The following TRIM37 variants were observed in gnomAD, a reference collection of about 807,000 sequenced individuals.
TRIM37 encodes tripartite motif containing 37.
A neutral mutation model predicts 129.8 loss-of-function variants in TRIM37; 80 were observed. The observed-to-expected ratio is 0.62, with a 90% CI of 0.51 to 0.74. The LOEUF (loss-of-function observed/expected upper bound fraction) is 0.74, where lower values mean the gene tolerates loss of function less well. Ranked by LOEUF, TRIM37 falls within the 30% of genes least tolerant of loss-of-function variation. The pLI, the probability that TRIM37 is intolerant of heterozygous loss-of-function variation, is 0.00. For synonymous variants in TRIM37, 389 were observed against 387.1 expected (o/e 1.00, Z -0.06); for missense variants, 1,054 against 1,176.5 (o/e 0.90, Z 1.52).
intron 22 of TRIM37, among the ~76,000 whole-genome samples, chr17:59,011,755 T>C (rs918759033): frequency 1.3e-5 from 2 of 152,230 alleles, no homozygotes; most frequent in African/African-American, 2.4e-5. Context: ...TCAGTCATCA[T>C]ACAGGATTTA....
rs553555487 is a variant in TRIM37, at chr17:58,985,475, A to C, written c.2892-2554T>G. Among the ~76,000 whole-genome samples, 12 of 152,310 alleles carry C rather than the reference A, an allele frequency of 7.9e-5. No individual in the cohort carries two copies. The South Asian group carries it at 2.5e-3, about 32-fold the overall frequency. On this transcript the variant is annotated intron_variant, in intron 24 of 24. Transcript: ENST00000393066. ...CCAAGGACTAAGCGGTGGTCATCAA[A>C]TCTCCCAACTACTTCATTCTTAGAA... is the stretch of plus-strand genomic sequence containing the variant.
chr17:59,031,822 T>C, intron 18 of TRIM37, 74 bp downstream of exon 18: 2 of 1,457,700 alleles, frequency 1.4e-6, no homozygotes, highest in Non-Finnish European at 1.9e-6. Flanking sequence ...ATAGCTGAAA[T>C]ACTTAAATGA....
intron 17 of TRIM37, 141 bp downstream of exon 17, chr17:59,041,672 A>C (rs2039168358): frequency 1.5e-6 from 1 of 647,196 alleles, no homozygotes; most frequent in African/African-American, 1.8e-5. Context: ...AACTCTAAAA[A>C]ATCCATATTA....
rs565192720 is a variant in TRIM37 at position 59,007,432 on chromosome 17, A to G, written c.2695+4896T>C. 7.9e-5 allele frequency among the ~76,000 whole-genome samples: 12 copies of G among 152,246 alleles called. No individual in the cohort carries two copies. The South Asian group carries it at 2.5e-3, about 32-fold the overall frequency. On this transcript the variant is annotated intron_variant, in intron 22 of 23. Transcript: ENST00000262294. ...ATTACCCTAAATGATCAGCAATGGCAGGCCATCAGGCTTTGTATTCCTCTT... is the reference window on the plus strand; with the variant it reads ...ATTACCCTAAATGATCAGCAATGGCGGGCCATCAGGCTTTGTATTCCTCTT...
rs914 is a variant in TRIM37, at chr17:58,998,352, T to C, written c.*1025A>G. Reference sequence around the variant, plus strand: ...GCAGATGAGATGTCTCTCACATGTATATTTAATTATTCATGCTTTTTCAAT... The same window carrying C: ...GCAGATGAGATGTCTCTCACATGTACATTTAATTATTCATGCTTTTTCAAT... On this transcript the variant is annotated 3_prime_UTR_variant, in exon 24 of 24. Coordinates refer to ENST00000262294, the MANE Select transcript of TRIM37 (RefSeq NM_015294.6). 4,726 of 985,450 alleles carry C rather than the reference T, an allele frequency of 4.8e-3. 11 individuals carry two copies. The highest frequency in any genetic ancestry group is 8.4e-3 in the Middle Eastern group (16 of 1,914). 61.0% of individuals were successfully genotyped at this position (985,450 alleles called of 1,614,324 possible).
At chr17:59,098,715 C>A (rs2045157798) in intron 2 of TRIM37, among the ~76,000 whole-genome samples, 1 of 144,220 alleles carries the variant, frequency 6.9e-6, no homozygotes, top group African/African-American at 2.5e-5. Flanking sequence ...GTATATTTTA[C>A]CACAATTAAA....
chr17:59,003,467 T>C (rs1240515388), intron 22 of TRIM37, among the ~76,000 whole-genome samples: 1 of 152,094 alleles, frequency 6.6e-6, no homozygotes, highest in Non-Finnish European at 1.5e-5. Flanking sequence ...AGCAAGCACA[T>C]TCCACTCTAT....
At chr17:59,048,955 G>A (rs112697061) in intron 15 of TRIM37, among the ~76,000 whole-genome samples, 17 of 152,206 alleles carry the variant, frequency 1.1e-4, no homozygotes, top group African/African-American at 3.4e-4. Context: ...TGTGTATCAC[G>A]GTTTGTTTTA....
In TRIM37 at chr17:59,049,357, T is replaced by C; in HGVS notation, c.1351A>G (p.Arg451Gly). 6.2e-7 allele frequency: 1 copy of C among 1,614,178 alleles called. No individual in the cohort carries two copies. Among genetic ancestry groups the C allele is most frequent in the Non-Finnish European group, 8.5e-7 (1 of 1,180,028 alleles). Residue 451 changes from arginine to glycine, a missense_variant, in exon 15 of 24, where the codon AGA becomes GGA. Around this residue, in one of 3 missense-constraint regions of TRIM37, gnomAD observed 752 missense variants for 870.8 expected, o/e 0.86. Coordinates refer to ENST00000262294, the MANE Select transcript of TRIM37 (RefSeq NM_015294.6). ...TGGTTATCTGGTGGTGACAAATCTCTTGACTTCTGAGTTCGAGACAGCTCA... is the reference window on the plus strand; with the variant it reads ...TGGTTATCTGGTGGTGACAAATCTCCTGACTTCTGAGTTCGAGACAGCTCA... Reference protein sequence around the residue: ...TIELSRTQKSRDLSPPDNHLS... With the variant: ...TIELSRTQKSGDLSPPDNHLS...
intron 8 of TRIM37, among the ~76,000 whole-genome samples, chr17:59,074,291 A>G (rs1338731391): frequency 6.6e-6 from 1 of 152,178 alleles, no homozygotes; most frequent in Non-Finnish European, 1.5e-5. Context: ...TGTATATGGG[A>G]GATGTGTATA....
At chr17:59,043,967 C>T (rs2039513094) in intron 16 of TRIM37, among the ~76,000 whole-genome samples, 1 of 152,192 alleles carries the variant, frequency 6.6e-6, no homozygotes, top group Non-Finnish European at 1.5e-5. Flanking sequence ...TCTGTGGGCT[C>T]TGCATCTGTG....
intron 17 of TRIM37, among the ~76,000 whole-genome samples, chr17:59,036,042 A>G (rs1332338525): frequency 6.6e-6 from 1 of 152,130 alleles, no homozygotes; most frequent in African/African-American, 2.4e-5. Context: ...TTACATACCG[A>G]TATTTACCAT....
downstream of TRIM37, chr17:58,981,050 T>G (rs193174507): frequency 5.3e-6 from 8 of 1,513,882 alleles, no homozygotes; most frequent in East Asian, 1.8e-4. Flanking sequence ...TCAAGTAGGT[T>G]AGCTAGCTCT....
At chr17:59,015,213 G>C (rs898217820) in intron 21 of TRIM37, among the ~76,000 whole-genome samples, 14 of 152,068 alleles carry the variant, frequency 9.2e-5, no homozygotes, top group African/African-American at 3.4e-4. Flanking sequence ...TGAGGTGGGC[G>C]TATCACTTGA....
intron 21 of TRIM37, among the ~76,000 whole-genome samples, chr17:59,013,700 A>T (rs2035572098): frequency 6.6e-6 from 1 of 151,928 alleles, no homozygotes; most frequent in African/African-American, 2.4e-5. Flanking sequence ...ATTTTTATTT[A>T]AAAAATAAAC....
Position 59,106,541 on chromosome 17 carries a change from A to T in TRIM37, c.-80T>A. The T allele has an allele frequency of 6.4e-7, 1 of 1,569,370 alleles. No individual in the cohort carries two copies. Among genetic ancestry groups the T allele is most frequent in the African/African-American group, 1.4e-5 (1 of 73,846 alleles). On this transcript the variant is annotated 5_prime_UTR_variant, in exon 1 of 24. Transcript: ENST00000262294. ...TCTTAGGCGCCGGCCCGAGGTCGCC[A>T]GATCAAATCGCCGATAAAAGCCCGG...
At chr17:59,103,691 A>T (rs1369372266) in intron 2 of TRIM37, among the ~76,000 whole-genome samples, 1 of 143,968 alleles carries the variant, frequency 6.9e-6, no homozygotes, top group African/African-American at 2.6e-5. Context: ...CTCTGTCGCC[A>T]GGCTGGAGTG....
chr17:58,995,429 G>C (rs931880865), downstream of TRIM37, among the ~76,000 whole-genome samples: 5 of 149,698 alleles, frequency 3.3e-5, no homozygotes, highest in Non-Finnish European at 7.4e-5. Context: ...AGAAGAATGA[G>C]ACATATGAAA....
At chr17:59,037,448 T>G (rs1009310350) in intron 17 of TRIM37, among the ~76,000 whole-genome samples, 1 of 149,358 alleles carries the variant, frequency 6.7e-6, no homozygotes, top group Non-Finnish European at 1.5e-5. Context: ...GTCCCAGCTA[T>G]TCGGGAGGCT....
Sources: allele counts gnomAD v4.1 joint callset (sites outside exome capture counted in the v4.1 genomes callset), GRCh38; gene constraint gnomAD v4.1.1; regional missense constraint gnomAD v4.1.1; transcripts MANE v1.5; gene names NCBI Gene and HGNC (gene_info 2026-07-23, HGNC 2026-07-21).